GFRA2: variants seen among roughly 807,000 people sequenced by gnomAD.
GFRA2 encodes the protein GDNF family receptor alpha-2.
Under a neutral mutation model 48.3 loss-of-function variants are expected in GFRA2, and 17 were observed. That is an observed-to-expected ratio of 0.35 (90% CI 0.24 to 0.53). GFRA2 has a LOEUF of 0.53. Among genes scored for constraint, GFRA2 ranks in the 20% least tolerant of loss-of-function variants. GFRA2 has a pLI of 0.93. For synonymous variants in GFRA2, 305 were observed against 257.2 expected, an observed-to-expected ratio of 1.19 and a Z score of -1.78; for missense variants, 660 against 637.3, an observed-to-expected ratio of 1.04 and a Z score of -0.38.
intron 2 of GFRA2, among the ~76,000 whole-genome samples, chr8:21,803,022 G>A (rs1327292228): frequency 1.3e-5 from 2 of 152,220 alleles, no homozygotes; most frequent in African/African-American, 4.8e-5. Context: ...GCTAAGCTAG[G>A]TTAAGCTAAG....
chr8:21,797,287 C>CTTTTTTTTTTT lies in GFRA2; in HGVS notation c.-36+7719_-36+7729dup, dbSNP rs1159867192. 4.3e-3 allele frequency among the ~76,000 whole-genome samples: 367 copies of CTTTTTTTTTTT among 85,646 alleles called. 3 individuals carry two copies. Among genetic ancestry groups the CTTTTTTTTTTT allele is most frequent in the Middle Eastern group, 9.4e-3 (1 of 106 alleles). 56.2% of individuals were successfully genotyped at this position (85,646 alleles called of 152,430 possible). ...TCTTTCTTTTTTTTTCCTTTCTTTGCTTTTTTTTTTTTTTTTTTTTTTTGA... is the reference window on the plus strand; with the variant it reads ...TCTTTCTTTTTTTTTCCTTTCTTTGCTTTTTTTTTTTTTTTTTTTTTTTTTTTTTTTTTTGA... On this transcript the variant is annotated intron_variant, in intron 2 of 10. Coordinates refer to the GFRA2 transcript ENST00000517328.
At chr8:21,792,359 T>C (rs1452400452), upstream of GFRA2, among the ~76,000 whole-genome samples, 1 of 152,096 alleles carries the variant, frequency 6.6e-6, no homozygotes, top group Non-Finnish European at 1.5e-5. Flanking sequence ...AGAAGGTGCC[T>C]CACATCCAGC....
chr8:21,692,097 G>C lies in GFRA2; in HGVS notation c.*1181C>G, dbSNP rs181445656. 9 of 152,804 alleles carry C rather than the reference G, an allele frequency of 5.9e-5. No homozygotes were observed. The highest frequency in any genetic ancestry group is 5.9e-4 in the Admixed American group (9 of 15,310). The allele number at this position is 152,804 out of a possible 1,614,324, so 9.5% of individuals were successfully genotyped here. A position where few individuals can be genotyped will look rare whatever the true frequency, so the allele number is the denominator to read the frequency against. On this transcript the variant is annotated 3_prime_UTR_variant, in exon 9 of 9. Coordinates refer to ENST00000524240, the MANE Select transcript of GFRA2 (RefSeq NM_001495.5). The stretch of plus-strand genomic sequence containing the variant: ...GCCCCCACCAGAGCCCAGCCAGGCT[G>C]ACTGGGGCAGGGCACTGCGGGGCCA...
intron 4 of GFRA2, among the ~76,000 whole-genome samples, chr8:21,736,931 G>A (rs1273463996): frequency 4.2e-4 from 49 of 116,706 alleles, no homozygotes; most frequent in Non-Finnish European, 6.8e-4. Context: ...GGGAGGGGAG[G>A]AGAGGGGAGG....
At chr8:21,796,436 C>T (rs1237115665) in intron 2 of GFRA2, among the ~76,000 whole-genome samples, 2 of 152,358 alleles carry the variant, frequency 1.3e-5, no homozygotes, top group East Asian at 3.9e-4. Context: ...AACAGCTCCA[C>T]AGGCAGTATC....
At chr8:21,695,538 A>G (rs529554841) in intron 7 of GFRA2, among the ~76,000 whole-genome samples, 13 of 152,282 alleles carry the variant, frequency 8.5e-5, no homozygotes, top group African/African-American at 3.1e-4. Context: ...AGTCACTGCC[A>G]ATGGTGGAGA....
intron 1 of GFRA2, among the ~76,000 whole-genome samples, chr8:21,807,963 C>A (rs1196728303): frequency 6.6e-6 from 1 of 152,132 alleles, no homozygotes; most frequent in Non-Finnish European, 1.5e-5. Context: ...ACCCTAATGA[C>A]CTCATTTTAA....
chr8:21,776,752 T>C (rs1806726373), intron 2 of GFRA2, among the ~76,000 whole-genome samples: 2 of 151,884 alleles, frequency 1.3e-5, no homozygotes, highest in South Asian at 4.2e-4. Flanking sequence ...ATTACAGGAG[T>C]GAGCCACCGC....
Position 21,750,765 on chromosome 8 carries a change from T to A in GFRA2, c.617A>T (p.Gln206Leu). ...NRRKCHKALR[Q>L]FFDRVPSEYT... ...CTCGCTGGGCACCCGGTCGAAGAACTGGCGCAGGGCCTTGTGGCACTTGCG... is the reference window on the plus strand; with the variant it reads ...CTCGCTGGGCACCCGGTCGAAGAACAGGCGCAGGGCCTTGTGGCACTTGCG... The change falls in exon 4 of 9, where the codon CAG becomes CTG. Residue 206 changes from glutamine to leucine, a missense_variant. Coordinates refer to ENST00000524240, the MANE Select transcript of GFRA2 (RefSeq NM_001495.5). This position sits in a 1 kb window ranked among gnomAD's most constrained non-coding sequence, Gnocchi z 5.7. 10 of 1,613,800 alleles carry A rather than the reference T, an allele frequency of 6.2e-6. No homozygotes were observed. Among genetic ancestry groups the A allele is most frequent in the Non-Finnish European group, 8.5e-6 (10 of 1,179,874 alleles).
chr8:21,789,489 C>G (rs1807467154), upstream of GFRA2, among the ~76,000 whole-genome samples: 4 of 152,086 alleles, frequency 2.6e-5, no homozygotes, highest in South Asian at 8.3e-4. Flanking sequence ...GCCGGTGGCC[C>G]GGGTCTGAGG....
At chr8:21,756,303 C>CA (rs1228146039) in intron 3 of GFRA2, among the ~76,000 whole-genome samples, 2 of 151,948 alleles carry the variant, frequency 1.3e-5, no homozygotes, top group South Asian at 2.1e-4. Context: ...TCCTAGGAAA[C>CA]AAAAAAAATC....
intron 2 of GFRA2, among the ~76,000 whole-genome samples, chr8:21,777,326 G>A (rs915072794): frequency 1.3e-5 from 2 of 151,918 alleles, no homozygotes; most frequent in African/African-American, 4.8e-5. Flanking sequence ...CCGGGGTGGT[G>A]TGGGGGCCTG....
At chr8:21,786,614 C>T (rs1310906331) in intron 1 of GFRA2, among the ~76,000 whole-genome samples, 1 of 152,166 alleles carries the variant, frequency 6.6e-6, no homozygotes, top group African/African-American at 2.4e-5. Flanking sequence ...AGAGGAGCCC[C>T]TCCCACCCCA....
intron 7 of GFRA2, among the ~76,000 whole-genome samples, chr8:21,696,157 GTC>G (rs1802161732): frequency 7.2e-5 from 1 of 13,946 alleles, no homozygotes; most frequent in Non-Finnish European, 1.5e-4. Flanking sequence ...CTCTCCCTCT[GTC>G]CCCTTTCCCT....
chr8:21,786,494 A>AG lies in GFRA2; in HGVS notation c.40+1625dup, dbSNP rs1393056156. Among the ~76,000 whole-genome samples, 243 of 152,282 alleles carry AG rather than the reference A, an allele frequency of 1.6e-3. 1 individual carries two copies. Among genetic ancestry groups the AG allele is most frequent in the African/African-American group, 5.5e-3 (230 of 41,550 alleles). On this transcript the variant is annotated intron_variant, in intron 1 of 8. Transcript: ENST00000524240. ...GCTGGGTTTTCAAGCTAGCAGTGGG[A>AG]GAAAAAGGTCAGATTTTATAGTAGC...
rs995854653 is a variant in GFRA2, at chr8:21,780,426, C to A, written c.355+2159G>T. ...TGTTCCTCCCACCTCTCCCCAGCACCTTCTCAGCTCCCTGCAGGCTCCCTT... is the reference window on the plus strand; with the variant it reads ...TGTTCCTCCCACCTCTCCCCAGCACATTCTCAGCTCCCTGCAGGCTCCCTT... On this transcript the variant is annotated intron_variant, in intron 2 of 8. Transcript: ENST00000524240. Among the ~76,000 whole-genome samples, 5 of 152,244 alleles carry A rather than the reference C, an allele frequency of 3.3e-5. No homozygotes were observed. The South Asian group carries it at 8.3e-4, about 25-fold the overall frequency.
rs551204101 is a variant in GFRA2 at position 21,703,073 on chromosome 8, C to T, written c.1046-96G>A. ...CACTCTTCACCCTGACCACCCCCTT[C>T]CCTGGAATGGTCCAGAAGCCAGGAC... is the stretch of plus-strand genomic sequence containing the variant. On this transcript the variant is annotated intron_variant, in intron 6 of 8. Coordinates refer to ENST00000524240, the MANE Select transcript of GFRA2 (RefSeq NM_001495.5). 16 of 753,980 alleles carry T rather than the reference C, an allele frequency of 2.1e-5. No homozygotes were observed. The South Asian group carries it at 3.0e-4, about 14-fold the overall frequency. The allele number at this position is 753,980 out of a possible 1,614,324, so 46.7% of individuals were successfully genotyped here.
chr8:21,793,770 C>T (rs1272765228), upstream of GFRA2, among the ~76,000 whole-genome samples: 1 of 152,094 alleles, frequency 6.6e-6, no homozygotes, highest in Non-Finnish European at 1.5e-5. Context: ...GCTCTCCAGG[C>T]CCACACATGT....
chr8:21,730,911 C>T (rs1490191201), intron 4 of GFRA2, among the ~76,000 whole-genome samples: 1 of 152,126 alleles, frequency 6.6e-6, no homozygotes, highest in Admixed American at 6.5e-5. Context: ...GATAAAGGAG[C>T]AGGCCCAGAG....
Sources: gnomAD v4.1 joint callset for allele counts (sites outside exome capture counted in the v4.1 genomes callset) on GRCh38, gnomAD v4.1.1 for gene constraint, Gnocchi (gnomAD v3.1) non-coding constraint, MANE v1.5 for transcripts, NCBI Gene and HGNC (gene_info 2026-07-23, HGNC 2026-07-21) for gene names.